The following RALYL variants were observed in gnomAD, a reference collection of about 807,000 sequenced individuals.
RALYL encodes RNA-binding Raly-like protein.
RALYL carries 29 observed loss-of-function variants against 35.1 expected under a neutral mutation model. The ratio of observed to expected loss-of-function variants is 0.83; its 90% CI spans 0.61 to 1.13. The LOEUF (loss-of-function observed/expected upper bound fraction) is 1.13, where lower values mean the gene tolerates loss of function less well. Among genes scored for constraint, RALYL ranks in the 50% most tolerant of loss-of-function variants. RALYL has a pLI of 0.00. For synonymous variants in RALYL, 120 were observed against 127.6 expected, an observed-to-expected ratio of 0.94 and a Z score of 0.40; for missense variants, 359 against 360.4, an observed-to-expected ratio of 1.00 and a Z score of 0.03.
At chr8:84,895,536 A>G (rs1844607419) in intron 8 of RALYL, among the ~76,000 whole-genome samples, 1 of 152,076 alleles carries the variant, frequency 6.6e-6, no homozygotes, top group African/African-American at 2.4e-5. Context: ...GTTTTGAGAC[A>G]GAGTCTCTCT....
intron 1 of RALYL, among the ~76,000 whole-genome samples, chr8:84,234,473 G>A (rs974600630): frequency 3.9e-5 from 6 of 152,120 alleles, no homozygotes; most frequent in African/African-American, 1.2e-4. Context: ...GTGATATAAG[G>A]ATTAAGTACT....
chr8:84,481,153 A>G (rs939581273), intron 1 of RALYL, among the ~76,000 whole-genome samples: 2 of 152,206 alleles, frequency 1.3e-5, no homozygotes, highest in African/African-American at 4.8e-5. Flanking sequence ...GAACAGGTCA[A>G]TTTTTAAGAG....
chr8:84,578,383 C>T (rs1564178258), intron 2 of RALYL, among the ~76,000 whole-genome samples: 1 of 152,204 alleles, frequency 6.6e-6, no homozygotes, highest in Non-Finnish European at 1.5e-5. Context: ...GGTCTGGGCT[C>T]CCAAAGGGCT....
At chr8:84,352,319 A>G (rs1242906514) in intron 1 of RALYL, among the ~76,000 whole-genome samples, 1 of 150,366 alleles carries the variant, frequency 6.7e-6, no homozygotes, top group Non-Finnish European at 1.5e-5. Flanking sequence ...GTTAATAAGG[A>G]ATAAGAAATT....
chr8:84,229,446 T>TAAAA (rs1563571677), intron 1 of RALYL, among the ~76,000 whole-genome samples: 7 of 152,172 alleles, frequency 4.6e-5, no homozygotes, highest in African/African-American at 9.7e-5. Context: ...AAATAACCAA[T>TAAAA]AACCAATTGC....
intron 2 of RALYL, among the ~76,000 whole-genome samples, chr8:84,770,880 C>G (rs978690935): frequency 6.6e-6 from 1 of 151,994 alleles, no homozygotes; most frequent in Non-Finnish European, 1.5e-5. Flanking sequence ...GCTTAGCCCA[C>G]TTTTTGATGT....
At chr8:84,417,837 T>C (rs942611767) in intron 1 of RALYL, among the ~76,000 whole-genome samples, 1 of 152,140 alleles carries the variant, frequency 6.6e-6, no homozygotes, top group Non-Finnish European at 1.5e-5. Flanking sequence ...TGGGAACATA[T>C]TAAAATCCTA....
rs1811708613 is a variant in RALYL, at chr8:84,183,319, G to GCTGCTGCCT, written c.-1128_-1127insTGCTGCCTC. 1 of 154,174 alleles carries GCTGCTGCCT rather than the reference G, an allele frequency of 6.5e-6. No homozygotes were observed. Among genetic ancestry groups the GCTGCTGCCT allele is most frequent in the Non-Finnish European group, 1.4e-5 (1 of 69,006 alleles). 9.6% of individuals were successfully genotyped at this position (154,174 alleles called of 1,614,324 possible). On this transcript the variant is annotated 5_prime_UTR_variant, in exon 1 of 9. Coordinates refer to ENST00000521268, the MANE Select transcript of RALYL (RefSeq NM_173848.7). ...GCGAGCTGCCGCTGCCGCTGCTGCC[G>GCTGCTGCCT]CCACTGGTGTTGCCGCTCTCAGGCG...
intron 1 of RALYL, among the ~76,000 whole-genome samples, chr8:84,436,546 T>A (rs202187205): frequency 2.7e-5 from 1 of 37,508 alleles, no homozygotes; most frequent in Non-Finnish European, 5.7e-5. Flanking sequence ...CATGGGAGTT[T>A]TTTTTTTTTT....
intron 4 of RALYL, among the ~76,000 whole-genome samples, chr8:84,805,205 C>T (rs1478874365): frequency 6.6e-6 from 1 of 152,182 alleles, no homozygotes; most frequent in Non-Finnish European, 1.5e-5. Context: ...ACCCACTTCC[C>T]TAAGTCTGTC....
At chr8:84,736,112 GAACA>G (rs925732394) in intron 2 of RALYL, among the ~76,000 whole-genome samples, 5 of 152,016 alleles carry the variant, frequency 3.3e-5, no homozygotes, top group African/African-American at 1.2e-4. Flanking sequence ...AATTCATAAC[GAACA>G]AAGAATTAGA....
chr8:84,367,322 T>TTTTTG (rs1854605269), intron 1 of RALYL, among the ~76,000 whole-genome samples: 1 of 12,972 alleles, frequency 7.7e-5, no homozygotes, highest in Non-Finnish European at 1.3e-4. Flanking sequence ...TTTTGTATTT[T>TTTTTG]TTTTTTTTTT....
chr8:84,379,123 G>T (rs935030325), intron 1 of RALYL, among the ~76,000 whole-genome samples: 3 of 151,876 alleles, frequency 2.0e-5, no homozygotes, highest in African/African-American at 7.2e-5. Flanking sequence ...AGGAAATTTA[G>T]ATTTGAGCAG....
chr8:84,409,476 C>T (rs1240144482), intron 1 of RALYL, among the ~76,000 whole-genome samples: 1 of 151,936 alleles, frequency 6.6e-6, no homozygotes. Context: ...TGTTGGTCCA[C>T]CTGATTTTAA....
chr8:84,405,803 A>G (rs1380112660), intron 1 of RALYL, among the ~76,000 whole-genome samples: 2 of 151,166 alleles, frequency 1.3e-5, no homozygotes, highest in African/African-American at 4.9e-5. Context: ...AATCAGTTTA[A>G]TAATCTAGAT....
intron 1 of RALYL, among the ~76,000 whole-genome samples, chr8:84,332,518 A>G (rs1847027928): frequency 6.6e-6 from 1 of 152,176 alleles, no homozygotes; most frequent in African/African-American, 2.4e-5. Context: ...ACAAGGTTGG[A>G]TCCTTTAAAA....
rs182631898 is a variant in RALYL at position 84,371,991 on chromosome 8, G to A, written c.-23-157308G>A. ...GTGATTAGCAGAAGAGCTGACCAGA[G>A]TATAAAGTTTCTTACATGAATTTTT... On this transcript the variant is annotated intron_variant, in intron 1 of 8. Transcript: ENST00000521268. Among the ~76,000 whole-genome samples, 4 of 151,948 alleles carry A rather than the reference G, an allele frequency of 2.6e-5. No homozygotes were observed. The East Asian group carries it at 7.7e-4, about 29-fold the overall frequency.
chr8:84,799,749 G>T (rs555829918), intron 3 of RALYL, among the ~76,000 whole-genome samples: 1 of 152,348 alleles, frequency 6.6e-6, no homozygotes, highest in African/African-American at 2.4e-5. Flanking sequence ...GAGGTCAGGA[G>T]ATCGAGACCA....
chr8:84,699,832 A>C (rs1839881950), intron 2 of RALYL, among the ~76,000 whole-genome samples: 1 of 152,196 alleles, frequency 6.6e-6, no homozygotes, highest in Non-Finnish European at 1.5e-5. Flanking sequence ...TTTTAGGTTC[A>C]GGATTATTTT....
Sources: allele counts gnomAD v4.1 joint callset (sites outside exome capture counted in the v4.1 genomes callset), GRCh38; gene constraint gnomAD v4.1.1; transcripts MANE v1.5; gene names NCBI Gene and HGNC (gene_info 2026-07-23, HGNC 2026-07-21).